Variants in POLN observed in about 807,000 individuals in gnomAD.
POLN encodes DNA polymerase nu, also known as DNA polymerase N.
In POLN, 108 loss-of-function variants were observed where a neutral mutation model predicts 113.5. The ratio of observed to expected loss-of-function variants is 0.95; its 90% CI spans 0.81 to 1.12. The LOEUF (loss-of-function observed/expected upper bound fraction) is 1.12, where lower values mean the gene tolerates loss of function less well. POLN is among the 50% of genes most tolerant of loss of function. The probability of loss-of-function intolerance (pLI) is 0.00; values close to 1 mark genes in which losing one functional copy is unlikely to be tolerated. For missense variants in POLN, 1,097 were observed against 1,077.1 expected (o/e 1.02, Z -0.26); for synonymous variants, 386 against 391.5 (o/e 0.99, Z 0.17).
Position 2,229,192 on chromosome 4 carries a change from TAC to T in POLN, c.38_39del (p.Cys13Ter). 6.2e-7 allele frequency: 1 copy of T among 1,610,524 alleles called. No individual in the cohort carries two copies. The highest frequency in any genetic ancestry group is 8.5e-7 in the Non-Finnish European group (1 of 1,177,400). On this transcript the variant is annotated frameshift_variant, in exon 3 of 26. Coordinates refer to ENST00000511885, the MANE Select transcript of POLN (RefSeq NM_181808.4). LOFTEE classifies it high-confidence loss of function. ...NYEALVGFDL[C>X]NTPLSSVAQK... ...TGAGCAACACTGGAGAGCGGTGTAT[TAC>T]AGAGATCAAAGCCTACCAATGCCTC...
chr4:2,208,091 C>A lies in POLN; in HGVS notation c.610G>T (p.Asp204Tyr). ...ATCAGCTGGCTTTTTGCCCAATCATCCAAATGCCTAATATCACAAAAATGT... is the reference window on the plus strand; with the variant it reads ...ATCAGCTGGCTTTTTGCCCAATCATACAAATGCCTAATATCACAAAAATGT... ...KKHFCDIRHLDDWAKSQLIEM... is the reference protein window; with the variant it reads ...KKHFCDIRHLYDWAKSQLIEM... The change falls in exon 5 of 26, where the codon GAT (aspartate) becomes TAT (tyrosine). Residue 204 changes from aspartate to tyrosine, a missense_variant. Asp to Tyr is a radical substitution (Grantham distance 160). Transcript: ENST00000511885. 1.9e-6 allele frequency: 3 copies of A among 1,614,168 alleles called. No individual in the cohort carries two copies. Among genetic ancestry groups the A allele is most frequent in the Non-Finnish European group, 8.5e-7 (1 of 1,180,018 alleles).
At chr4:2,199,986 A>G (rs1733671681) in intron 5 of POLN, among the ~76,000 whole-genome samples, 1 of 152,182 alleles carries the variant, frequency 6.6e-6, no homozygotes, top group South Asian at 2.1e-4. Context: ...AGACTTGCAT[A>G]CTACACTGAA....
chr4:2,225,700 TA>T (rs909310951), intron 3 of POLN, among the ~76,000 whole-genome samples: 1 of 149,956 alleles, frequency 6.7e-6, no homozygotes, highest in African/African-American at 2.5e-5. Context: ...TTTATAATAC[TA>T]AAAAAAAATA....
intron 4 of POLN, 152 bp from the exon 5 acceptor site, chr4:2,208,639 T>C (rs570983726): frequency 1.6e-6 from 1 of 628,354 alleles, no homozygotes; most frequent in East Asian, 3.2e-5. Context: ...AACCCTATAG[T>C]GTCTTCTAGA....
chr4:2,135,941 C>T (rs556970415), intron 16 of POLN, among the ~76,000 whole-genome samples: 16 of 152,358 alleles, frequency 1.1e-4, no homozygotes, highest in African/African-American at 2.6e-4. Context: ...TTACTCTCCT[C>T]GGGCGAGGAG....
Position 2,198,666 on chromosome 4 carries a change from C to G in POLN, c.766G>C (p.Glu256Gln). Residue 256 changes from glutamate to glutamine, a missense_variant, in exon 6 of 26, where the codon GAG becomes CAG. Physicochemically the swap from Glu to Gln is conservative, Grantham distance 29 (BLOSUM62 2). Transcript: ENST00000511885. The part of the protein sequence containing the change: ...GIVVLVKRQA[E>Q]GGHGCPDAPA... ...GCATCTGGACAGCCATGGCCACCCT[C>G]TGCTTGGCGTTTTACTAACACCACA... The G allele has an allele frequency of 6.2e-7, 1 of 1,613,526 alleles. No individual in the cohort carries two copies. Among genetic ancestry groups the G allele is most frequent in the South Asian group, 1.1e-5 (1 of 90,976 alleles).
At chr4:2,162,928 A>G (rs1321593552) in intron 13 of POLN, among the ~76,000 whole-genome samples, 1 of 147,164 alleles carries the variant, frequency 6.8e-6, no homozygotes, top group Non-Finnish European at 1.5e-5. Context: ...TCAATAGACT[A>G]TGTCCTTAAA....
At position 2,084,874 on chromosome 4, in the gene POLN, ATT is replaced by A. The variant is rs1560973748; in HGVS notation, c.2197+737_2197+738del. Among the ~76,000 whole-genome samples, 3 of 152,154 alleles carry A rather than the reference ATT, an allele frequency of 2.0e-5. No individual in the cohort carries two copies. The East Asian group carries it at 5.8e-4, about 29-fold the overall frequency. On this transcript the variant is annotated intron_variant, in intron 21 of 25. Transcript: ENST00000511885. ...CTCCTCTTTGTTGTTGATTTCATTA[ATT>A]TCTGCTCTCCCACTGATTTCTTCCT... is the stretch of plus-strand genomic sequence containing the variant.
At chr4:2,164,136 C>T (rs942643069) in intron 13 of POLN, among the ~76,000 whole-genome samples, 5 of 152,202 alleles carry the variant, frequency 3.3e-5, no homozygotes, top group Admixed American at 6.5e-5. Context: ...TGCTTTGCTC[C>T]ATTTTCATTG....
chr4:2,155,032 A>G (rs1732389345), intron 16 of POLN, among the ~76,000 whole-genome samples: 1 of 152,248 alleles, frequency 6.6e-6, no homozygotes, highest in African/African-American at 2.4e-5. Context: ...GAAGAGAATA[A>G]AACACAGCAA....
In POLN at chr4:2,213,287, G is replaced by A. The variant is rs145926047; in HGVS notation, c.134-161C>T. 1.5e-4 allele frequency among the ~76,000 whole-genome samples: 23 copies of A among 152,254 alleles called. No individual in the cohort carries two copies. In the East Asian group the frequency reaches 4.2e-3, roughly 28 times the overall value. ...ATAAAATTCACAAGTAAAATGCTTAGTACCATTGCAATAAATATTTATGTA... is the reference window on the plus strand; with the variant it reads ...ATAAAATTCACAAGTAAAATGCTTAATACCATTGCAATAAATATTTATGTA... On this transcript the variant is annotated intron_variant, in intron 3 of 25. Transcript: ENST00000511885.
intron 4 of POLN, among the ~76,000 whole-genome samples, chr4:2,212,632 C>A (rs1229385709): frequency 1.3e-5 from 2 of 152,036 alleles, no homozygotes; most frequent in Non-Finnish European, 2.9e-5. Context: ...GTGGTCCACC[C>A]TGCTCAGCTT....
chr4:2,197,889 C>T (rs1048795923), intron 6 of POLN, among the ~76,000 whole-genome samples: 1 of 152,144 alleles, frequency 6.6e-6, no homozygotes, highest in Non-Finnish European at 1.5e-5. Flanking sequence ...CAGTGGATAC[C>T]TCCATTTGAG....
At chr4:2,149,336 A>T (rs949449518) in intron 16 of POLN, among the ~76,000 whole-genome samples, 8 of 151,974 alleles carry the variant, frequency 5.3e-5, no homozygotes, top group African/African-American at 1.9e-4. Flanking sequence ...ACAAAAACCC[A>T]AAACAAAAAA....
At chr4:2,163,216 G>A (rs1577733347) in intron 13 of POLN, among the ~76,000 whole-genome samples, 1 of 152,162 alleles carries the variant, frequency 6.6e-6, no homozygotes, top group East Asian at 1.9e-4. Flanking sequence ...ACAGTGGGCG[G>A]TATCTTGCCT....
chr4:2,131,113 A>G (rs1731716685), intron 17 of POLN, 120 bp downstream of exon 17: 1 of 645,124 alleles, frequency 1.6e-6, no homozygotes. Context: ...TGAGCCCAGG[A>G]GGTCAAGGCT....
intron 20 of POLN, chr4:2,089,624 A>C: frequency 1.1e-6 from 1 of 915,202 alleles, no homozygotes; most frequent in Non-Finnish European, 1.6e-6. Flanking sequence ...ATATTTTCCA[A>C]CAAGCTAGTT....
intron 7 of POLN, among the ~76,000 whole-genome samples, chr4:2,184,250 T>TA (rs59002499): frequency 0.25 from 34,522 of 140,698 alleles, 6,386 homozygotes; most frequent in African/African-American, 0.51. Context: ...CACTAGACTT[T>TA]AAAAAAAAAA....
intron 21 of POLN, 48 bp downstream of exon 21, chr4:2,085,565 C>A: frequency 6.2e-7 from 1 of 1,607,188 alleles, no homozygotes; most frequent in Non-Finnish European, 8.5e-7. Context: ...CCCATCCTCC[C>A]ACAGAGGGTT....
Sources: gnomAD v4.1 joint callset for allele counts (sites outside exome capture counted in the v4.1 genomes callset) on GRCh38, gnomAD v4.1.1 for gene constraint, MANE v1.5 for transcripts, NCBI Gene and HGNC (gene_info 2026-07-23, HGNC 2026-07-21) for gene names.